Variants in CNBD1 observed in about 807,000 individuals in gnomAD.
The protein encoded by CNBD1 is cyclic nucleotide binding domain containing 1.
CNBD1 carries 71 observed loss-of-function variants against 54.4 expected under a neutral mutation model. The ratio of observed to expected loss-of-function variants is 1.30; its 90% confidence interval spans 1.08 to 1.59. The LOEUF (loss-of-function observed/expected upper bound fraction) is 1.59, where lower values mean the gene tolerates loss of function less well. Among genes scored for constraint, CNBD1 ranks in the 40% most tolerant of loss-of-function variants. The probability of loss-of-function intolerance (pLI) is 0.00; values close to 1 mark genes in which losing one functional copy is unlikely to be tolerated. For synonymous variants in CNBD1, 182 were observed against 170.7 expected, an observed-to-expected ratio of 1.07 and a Z score of -0.51; for missense variants, 659 against 518.0, an observed-to-expected ratio of 1.27 and a Z score of -2.64.
At position 87,228,773 on chromosome 8, in the gene CNBD1, T is replaced by G. The variant is rs557362222; in HGVS notation, c.578-8146T>G. 9.1e-4 allele frequency among the ~76,000 whole-genome samples: 138 copies of G among 152,152 alleles called. 2 individuals carry two copies. The highest frequency in any genetic ancestry group is 3.3e-3 in the African/African-American group (135 of 41,412). On this transcript the variant is annotated intron_variant, in intron 5 of 10. Coordinates refer to ENST00000518476, the MANE Select transcript of CNBD1 (RefSeq NM_173538.3). ...TTGAGCTGTGGTGGGCTCCACCCAG[T>G]TCGAGCTTCCAGGCTGTGTTGTTTA...
At chr8:87,096,670 G>A (rs142778589) in intron 4 of CNBD1, among the ~76,000 whole-genome samples, 5 of 152,232 alleles carry the variant, frequency 3.3e-5, no homozygotes, top group East Asian at 3.9e-4. Context: ...AGCAAAATGC[G>A]TGTTCCATCC....
chr8:87,380,328 A>G, intron 10 of CNBD1, among the ~76,000 whole-genome samples: 1 of 151,878 alleles, frequency 6.6e-6, no homozygotes. Flanking sequence ...AGTTGATCAT[A>G]TATACATGGA....
At chr8:87,360,151 G>T (rs776547097) in intron 10 of CNBD1, among the ~76,000 whole-genome samples, 1 of 151,938 alleles carries the variant, frequency 6.6e-6, no homozygotes, top group Non-Finnish European at 1.5e-5. Flanking sequence ...TTCACTCACT[G>T]TACCTGTACT....
chr8:87,130,460 C>T (rs1052159522), intron 4 of CNBD1, among the ~76,000 whole-genome samples: 1 of 152,050 alleles, frequency 6.6e-6, no homozygotes, highest in Admixed American at 6.6e-5. Flanking sequence ...TGTCCTTTCT[C>T]ATTTTTTCTG....
chr8:86,900,659 G>A (rs1217405583), intron 2 of CNBD1, among the ~76,000 whole-genome samples: 1 of 152,002 alleles, frequency 6.6e-6, no homozygotes, highest in East Asian at 1.9e-4. Context: ...CTAAAGATAG[G>A]AAGTCCTTTT....
intron 4 of CNBD1, among the ~76,000 whole-genome samples, chr8:87,116,195 CTTTTTTTTTTT>C (rs71556428): frequency 3.2e-3 from 241 of 74,546 alleles, no homozygotes; most frequent in Middle Eastern, 0.026. Context: ...ATTCTCATGT[CTTTTTTTTTTT>C]TTTTTTTTTT....
intron 8 of CNBD1, among the ~76,000 whole-genome samples, chr8:87,312,986 C>T (rs1809301115): frequency 6.6e-6 from 1 of 152,006 alleles, no homozygotes; most frequent in Non-Finnish European, 1.5e-5. Context: ...TCGCAAACGA[C>T]ATACTCTAAG....
chr8:87,371,085 A>T (rs62526822), intron 10 of CNBD1, among the ~76,000 whole-genome samples: 6,623 of 150,924 alleles, frequency 0.044, 212 homozygotes, highest in Non-Finnish European at 0.06. Flanking sequence ...CCATTGATCT[A>T]TATCTCTGTT....
intron 2 of CNBD1, among the ~76,000 whole-genome samples, chr8:86,890,680 C>T (rs1021569825): frequency 5.9e-5 from 9 of 152,086 alleles, no homozygotes; most frequent in Non-Finnish European, 1.2e-4. Context: ...TCCATAATGG[C>T]TGTACTATTT....
intron 4 of CNBD1, among the ~76,000 whole-genome samples, chr8:87,197,859 C>T (rs1813753762): frequency 1.3e-5 from 2 of 152,128 alleles, no homozygotes; most frequent in Admixed American, 1.3e-4. Context: ...TTCATGTGCA[C>T]TTCCCTAACC....
chr8:87,026,613 A>G (rs1809651688), intron 4 of CNBD1, among the ~76,000 whole-genome samples: 1 of 152,150 alleles, frequency 6.6e-6, no homozygotes, highest in African/African-American at 2.4e-5. Flanking sequence ...TAGAACAAAA[A>G]TTCACCAAAC....
rs551676950 is a variant in CNBD1 at position 87,247,401 on chromosome 8, C to T, written c.771+10289C>T. 4.6e-5 allele frequency among the ~76,000 whole-genome samples: 7 copies of T among 152,264 alleles called. No homozygotes were observed. The East Asian group carries it at 1.4e-3, about 29-fold the overall frequency. On this transcript the variant is annotated intron_variant, in intron 6 of 10. Coordinates refer to ENST00000518476, the MANE Select transcript of CNBD1 (RefSeq NM_173538.3). ...GCCCTGGCTGTGTCTCTTTCAAAAT[C>T]TTTACTAATATTTGAAACATGTCAG...
intron 8 of CNBD1, among the ~76,000 whole-genome samples, chr8:87,290,650 A>T (rs1242889795): frequency 1.3e-5 from 2 of 152,134 alleles, no homozygotes; most frequent in African/African-American, 4.8e-5. Flanking sequence ...TTGAGGGAGT[A>T]TATGCTAGTA....
At chr8:86,974,005 CT>C (rs1358507709) in intron 4 of CNBD1, among the ~76,000 whole-genome samples, 1 of 151,862 alleles carries the variant, frequency 6.6e-6, no homozygotes, top group East Asian at 1.9e-4. Context: ...ATTTAATCTT[CT>C]AGGAGGATTT....
chr8:86,955,917 C>A (rs1026305331), intron 4 of CNBD1, among the ~76,000 whole-genome samples: 1 of 152,138 alleles, frequency 6.6e-6, no homozygotes, highest in Non-Finnish European at 1.5e-5. Flanking sequence ...TGCCTATATC[C>A]TGAATGGTAT....
chr8:87,148,361 C>T (rs1337248051), intron 4 of CNBD1, among the ~76,000 whole-genome samples: 2 of 152,060 alleles, frequency 1.3e-5, no homozygotes, highest in Admixed American at 6.6e-5. Flanking sequence ...TGAACTTGAT[C>T]GTAAACATGT....
At chr8:87,031,693 C>A (rs1809795478) in intron 4 of CNBD1, among the ~76,000 whole-genome samples, 1 of 152,140 alleles carries the variant, frequency 6.6e-6, no homozygotes, top group African/African-American at 2.4e-5. Flanking sequence ...CTCATTCCTC[C>A]ATTAGTATTG....
intron 8 of CNBD1, among the ~76,000 whole-genome samples, chr8:87,339,175 G>T (rs915416917): frequency 6.6e-6 from 1 of 152,082 alleles, no homozygotes; most frequent in Non-Finnish European, 1.5e-5. Flanking sequence ...ATTTCAAATT[G>T]TTCTTCCCCT....
chr8:86,993,656 G>T lies in CNBD1; in HGVS notation c.431+53902G>T, dbSNP rs187905863. Among the ~76,000 whole-genome samples, 362 of 152,286 alleles carry T rather than the reference G, an allele frequency of 2.4e-3. 2 individuals are homozygous for T. The highest frequency in any genetic ancestry group is 8.5e-3 in the African/African-American group (353 of 41,574). On this transcript the variant is annotated intron_variant, in intron 4 of 10. Coordinates refer to ENST00000518476, the MANE Select transcript of CNBD1 (RefSeq NM_173538.3). ...TTCTGGATGCTTTCAGAGGGACAAG[G>T]CTCTGTATGGGATCTTTATTTGTGG...
Sources: gnomAD v4.1 joint callset for allele counts (sites outside exome capture counted in the v4.1 genomes callset) on GRCh38, gnomAD v4.1.1 for gene constraint, MANE v1.5 for transcripts, NCBI Gene and HGNC (gene_info 2026-07-23, HGNC 2026-07-21) for gene names.